INTS3: variants seen among roughly 807,000 people sequenced by gnomAD.
The protein encoded by INTS3 is SOSS complex subunit A.
A neutral mutation model predicts 146.3 loss-of-function variants in INTS3; 34 were observed. The observed-to-expected ratio is 0.23, with a 90% confidence interval of 0.18 to 0.31. The LOEUF (loss-of-function observed/expected upper bound fraction) is 0.31, where lower values mean the gene tolerates loss of function less well. INTS3 is among the 10% of genes least tolerant of loss of function. The pLI, the probability that INTS3 is intolerant of heterozygous loss-of-function variation, is 1.00. For synonymous variants in INTS3, 475 were observed against 494.9 expected (o/e 0.96, Z 0.53); for missense variants, 757 against 1,304.2 (o/e 0.58, Z 6.46).
chr1:153,762,361 G>A lies in INTS3; in HGVS notation c.1517-367G>A, dbSNP rs573205760. 1.9e-3 allele frequency among the ~76,000 whole-genome samples: 295 copies of A among 152,270 alleles called. 1 individual carries two copies. The highest frequency in any genetic ancestry group is 6.8e-3 in the African/African-American group (282 of 41,546). On this transcript the variant is annotated intron_variant, in intron 14 of 29. Transcript: ENST00000318967. ...CAGAAGGCTGAGACATGAGAATTAC[G>A]TGAACCTGGGACGGGGAGGTTGCAG...
intron 1 of INTS3, among the ~76,000 whole-genome samples, chr1:153,732,706 C>A (rs139311319): frequency 1.1e-4 from 16 of 151,936 alleles, no homozygotes; most frequent in Non-Finnish European, 2.4e-4. Flanking sequence ...CCTCGGCCTC[C>A]GAAAGTGCTG....
chr1:153,757,291 C>T lies in INTS3; in HGVS notation c.958-281C>T, dbSNP rs1035929543. On this transcript the variant is annotated intron_variant, in intron 9 of 29. Coordinates refer to ENST00000318967, the MANE Select transcript of INTS3 (RefSeq NM_023015.5). This position sits in a 1 kb window ranked among gnomAD's most constrained non-coding sequence, Gnocchi z 4.0. ...AGTGCAAGGAGTAAAGAGCCAAAAACTGGACTGAAGTTGCAGTTGGGGGTA... is the reference window on the plus strand; with the variant it reads ...AGTGCAAGGAGTAAAGAGCCAAAAATTGGACTGAAGTTGCAGTTGGGGGTA... Among the ~76,000 whole-genome samples, 1 of 152,166 alleles carries T rather than the reference C, an allele frequency of 6.6e-6. No individual in the cohort carries two copies. Among genetic ancestry groups the T allele is most frequent in the Non-Finnish European group, 1.5e-5 (1 of 68,022 alleles).
At chr1:153,761,212 T>G (rs753108284) in intron 13 of INTS3, 64 of 620,924 alleles carry the variant, frequency 1.0e-4, no homozygotes, top group Non-Finnish European at 1.5e-4. Context: ...CATGTTGAGT[T>G]AGAAATGAGA....
chr1:153,762,954 T>A, intron 15 of INTS3, 107 bp downstream of exon 15: 1 of 1,426,992 alleles, frequency 7.0e-7, no homozygotes, highest in African/African-American at 1.4e-5. Context: ...TCCTGTGAGT[T>A]AAAGTTTTGT....
chr1:153,772,262 G>C lies in INTS3; in HGVS notation c.2721-78G>C. On this transcript the variant is annotated intron_variant, in intron 26 of 29. Coordinates refer to ENST00000318967, the MANE Select transcript of INTS3 (RefSeq NM_023015.5). The surrounding 1 kb of genome is among the most constrained non-coding windows in gnomAD (Gnocchi z 4.6). ...ATGTAGGCTGCCTCTGTCTTAAGGG[G>C]GCCCTGGCGGGTGGAGGGTGTCTCG... The C allele has an allele frequency of 2.7e-6, 4 of 1,506,688 alleles. No individual in the cohort carries two copies. Among genetic ancestry groups the C allele is most frequent in the Non-Finnish European group, 1.8e-6 (2 of 1,099,058 alleles). 93.3% of individuals were successfully genotyped at this position (1,506,688 alleles called of 1,614,324 possible).
At chr1:153,738,220 T>C (rs12759924) in intron 1 of INTS3, among the ~76,000 whole-genome samples, 21,077 of 152,088 alleles carry the variant, frequency 0.14, 2,114 homozygotes, top group East Asian at 0.44. Flanking sequence ...CACCTCAGCC[T>C]CCTGAGTAAC....
At chr1:153,739,445 C>T (rs1671434206) in intron 1 of INTS3, among the ~76,000 whole-genome samples, 1 of 151,112 alleles carries the variant, frequency 6.6e-6, no homozygotes, top group East Asian at 2.0e-4. Context: ...TGGGTTTAAG[C>T]AATTCTCCTG....
At chr1:153,739,624 G>T (rs1418132238) in intron 1 of INTS3, among the ~76,000 whole-genome samples, 1 of 151,382 alleles carries the variant, frequency 6.6e-6, no homozygotes, top group Non-Finnish European at 1.5e-5. Context: ...GTGAACCACC[G>T]CACCCAGCTA....
rs955342346 is a variant in INTS3 at position 153,728,052 on chromosome 1, C to T, written c.-583C>T. 18 of 158,672 alleles carry T rather than the reference C, an allele frequency of 1.1e-4. No homozygotes were observed. In the East Asian group the frequency reaches 2.3e-3, roughly 20 times the overall value. The allele number at this position is 158,672 out of a possible 1,614,324, so 9.8% of individuals were successfully genotyped here. On this transcript the variant is annotated 5_prime_UTR_variant, in exon 1 of 30. Transcript: ENST00000318967. The stretch of plus-strand genomic sequence containing the variant: ...TTTCTCCCCCTCCCCCGCCCTCCGC[C>T]TTCCCACCCCCCGCCCTTCCACTAT...
chr1:153,728,589 T>C lies in INTS3; in HGVS notation c.-46T>C. ...CCAGAGATCCCGATATCTAGGACTG[T>C]CCATCCATCCACTCCCTGACCTTTT... is the stretch of plus-strand genomic sequence containing the variant. On this transcript the variant is annotated 5_prime_UTR_variant, in exon 1 of 30. Transcript: ENST00000318967. The C allele has an allele frequency of 1.9e-6, 3 of 1,566,282 alleles. No individual in the cohort carries two copies. The highest frequency in any genetic ancestry group is 2.6e-6 in the Non-Finnish European group (3 of 1,161,024).
At chr1:153,753,042 TACACACACACAC>T (rs57778477) in intron 8 of INTS3, among the ~76,000 whole-genome samples, 1 of 145,442 alleles carries the variant, frequency 6.9e-6, no homozygotes, top group East Asian at 2.0e-4. Flanking sequence ...GCTCCCCTCC[TACACACACACAC>T]ACACACACAC....
At chr1:153,767,972 C>A (rs1368520385) in intron 21 of INTS3, 145 bp downstream of exon 21, 3 of 700,662 alleles carry the variant, frequency 4.3e-6, no homozygotes, top group Non-Finnish European at 6.6e-6. Context: ...ACAGCTGTCC[C>A]CTCCTTCCAC....
In INTS3 at chr1:153,762,751, A is replaced by G. The variant is rs937137802; in HGVS notation, c.1540A>G (p.Met514Val). Residue 514 changes from methionine (M) to valine (V), a missense_variant, in exon 15 of 30, where the codon ATG becomes GTG. Met to Val is a conservative substitution (Grantham distance 21). This residue lies in a region of INTS3 where 97 missense variants were observed against 113.6 expected (regional missense o/e 0.85). Coordinates refer to ENST00000318967, the MANE Select transcript of INTS3 (RefSeq NM_023015.5). ...VEVKIEEPVS[M>V]EMDNHMSDKD... ...AGTCAAAATTGAGGAGCCAGTTTCCATGGAGATGGACAACCATATGTCGGA... is the reference window on the plus strand; with the variant it reads ...AGTCAAAATTGAGGAGCCAGTTTCCGTGGAGATGGACAACCATATGTCGGA... The G allele has an allele frequency of 6.2e-7, 1 of 1,614,224 alleles. No homozygotes were observed. The highest frequency in any genetic ancestry group is 1.7e-5 in the Admixed American group (1 of 60,030).
At chr1:153,760,509 A>T in intron 12 of INTS3, 119 bp downstream of exon 12, 1 of 796,672 alleles carries the variant, frequency 1.3e-6, no homozygotes, top group Admixed American at 2.2e-5. Context: ...AGAAATGGTC[A>T]TGGGTCCTAT....
At chr1:153,734,037 T>TC (rs1285828601) in intron 1 of INTS3, among the ~76,000 whole-genome samples, 3 of 151,890 alleles carry the variant, frequency 2.0e-5, no homozygotes, top group Non-Finnish European at 4.4e-5. Context: ...CCCCCCTTTC[T>TC]CCCCCATTTC....
chr1:153,735,983 C>T (rs975370220), intron 1 of INTS3, among the ~76,000 whole-genome samples: 6 of 152,160 alleles, frequency 3.9e-5, no homozygotes, highest in Admixed American at 2.0e-4. Flanking sequence ...CTACCTGCCT[C>T]GACCTCCCAA....
chr1:153,730,096 G>C (rs1671008019), intron 1 of INTS3, among the ~76,000 whole-genome samples: 1 of 152,156 alleles, frequency 6.6e-6, no homozygotes, highest in Non-Finnish European at 1.5e-5. Flanking sequence ...TCAGATACAA[G>C]ATGGTAGAAC....
At chr1:153,737,316 T>C (rs565241476) in intron 1 of INTS3, among the ~76,000 whole-genome samples, 4 of 152,332 alleles carry the variant, frequency 2.6e-5, no homozygotes, top group African/African-American at 9.6e-5. Context: ...GTGGTGATAA[T>C]GGAGAGGTTC....
At chr1:153,747,512 T>A (rs781464881) in intron 5 of INTS3, 149 bp downstream of exon 5, 32 of 659,252 alleles carry the variant, frequency 4.9e-5, no homozygotes, top group Non-Finnish European at 8.2e-5. Context: ...TGGCCACATA[T>A]GTTGTAGAAA....
Sources: allele counts gnomAD v4.1 joint callset (sites outside exome capture counted in the v4.1 genomes callset), GRCh38; gene constraint gnomAD v4.1.1; regional missense constraint gnomAD v4.1.1; non-coding constraint Gnocchi (gnomAD v3.1); transcripts MANE v1.5; gene names NCBI Gene and HGNC (gene_info 2026-07-23, HGNC 2026-07-21).